The following SIDT1 variants were observed in gnomAD, a reference collection of about 807,000 sequenced individuals.
The protein encoded by SIDT1 is SID1 transmembrane family member 1.
In SIDT1, 101 loss-of-function variants were observed where a neutral mutation model predicts 107.5. The ratio of observed to expected loss-of-function variants is 0.94; its 90% CI spans 0.80 to 1.11. The LOEUF (loss-of-function observed/expected upper bound fraction) is 1.11, where lower values mean the gene tolerates loss of function less well. SIDT1 is among the 50% of genes least tolerant of loss of function. The pLI is 0.00. For missense variants in SIDT1, 1,076 were observed against 1,058.2 expected (o/e 1.02, Z -0.23); for synonymous variants, 395 against 398.2 (o/e 0.99, Z 0.10).
intron 23 of SIDT1, chr3:113,625,775 A>G (rs1946810494): frequency 4.5e-6 from 1 of 224,576 alleles, no homozygotes; most frequent in South Asian, 9.7e-5. Flanking sequence ...TCAGCTCCTT[A>G]TATATTCTGG....
downstream of SIDT1, among the ~76,000 whole-genome samples, chr3:113,630,883 C>G (rs765082103): frequency 3.3e-5 from 5 of 152,172 alleles, no homozygotes; most frequent in Non-Finnish European, 4.4e-5. Context: ...TCTGGGATCT[C>G]TCTCCTCCAG....
chr3:113,535,402 A>C (rs6776729), intron 1 of SIDT1, among the ~76,000 whole-genome samples: 1 of 152,154 alleles, frequency 6.6e-6, no homozygotes. Flanking sequence ...TACTGTTTTC[A>C]ATTCAATAGT....
At chr3:113,635,873 CA>C in the SIDT1 span, among the ~76,000 whole-genome samples, 1,310 of 95,580 alleles carry the variant, frequency 0.014, 13 homozygotes, top group South Asian at 0.031. Context: ...GACTCTGTCT[CA>C]AAAAAAAAAA....
intron 21 of SIDT1, 177 bp downstream of exon 21, chr3:113,619,903 C>T (rs1419761066): frequency 1.0e-5 from 6 of 599,482 alleles, no homozygotes; most frequent in East Asian, 8.4e-5. Flanking sequence ...ATTGTAGCCT[C>T]TCTTAAAACA....
Position 113,606,827 on chromosome 3 carries a change from T to C in SIDT1, c.1405-214T>C, listed in dbSNP as rs190432275. On this transcript the variant is annotated intron_variant, in intron 14 of 24. Transcript: ENST00000264852. Reference sequence around the variant, plus strand: ...GCTGCATAAGAGGGTACACAGAATATTCCCATTCAAAGCAAGATGGTAACT... The same window carrying C: ...GCTGCATAAGAGGGTACACAGAATACTCCCATTCAAAGCAAGATGGTAACT... The C allele has an allele frequency of 1.2e-4, 57 of 485,528 alleles. No individual in the cohort carries two copies. The Admixed American group carries it at 1.6e-3, about 13-fold the overall frequency. The allele number at this position is 485,528 out of a possible 1,614,324, so 30.1% of individuals were successfully genotyped here.
rs369965270 is a variant in SIDT1 at position 113,533,196 on chromosome 3, A to G, written c.175A>G (p.Ser59Gly). ...TGTCTACAGCGGGGTGGTGAACCTCAGCACCGAGAACATCTACTCTTTCAA... is the reference window on the plus strand; with the variant it reads ...TGTCTACAGCGGGGTGGTGAACCTCGGCACCGAGAACATCTACTCTTTCAA... The part of the protein sequence containing the change: ...DHVYSGVVNL[S>G]TENIYSFNYT... The change falls in exon 1 of 25, where the codon AGC (serine) becomes GGC (glycine). Residue 59 changes from serine to glycine, a missense_variant. Coordinates refer to ENST00000264852, the MANE Select transcript of SIDT1 (RefSeq NM_017699.3). The G allele has an allele frequency of 4.4e-5, 69 of 1,556,856 alleles. No homozygotes were observed. Among genetic ancestry groups the G allele is most frequent in the Non-Finnish European group, 5.6e-5 (64 of 1,152,742 alleles).
chr3:113,603,948 T>C lies in SIDT1; in HGVS notation c.1264-12T>C. ...GTACAGTTTTGCATTCTCTTTTTAT[T>C]TGGCATTCCAGATGTTCCTTTACCT... is the stretch of plus-strand genomic sequence containing the variant. On this transcript the variant is annotated splice_polypyrimidine_tract_variant and intron_variant, in intron 12 of 24. Coordinates refer to ENST00000264852, the MANE Select transcript of SIDT1 (RefSeq NM_017699.3). 1.9e-6 allele frequency: 3 copies of C among 1,606,784 alleles called. No individual in the cohort carries two copies. The highest frequency in any genetic ancestry group is 1.1e-5 in the South Asian group (1 of 90,230).
In SIDT1 at chr3:113,567,705, G is replaced by A; in HGVS notation, c.510G>A (p.Gln170=). 2 of 1,613,494 alleles carry A rather than the reference G, an allele frequency of 1.2e-6. No homozygotes were observed. Among genetic ancestry groups the A allele is most frequent in the Non-Finnish European group, 8.5e-7 (1 of 1,179,732 alleles). The change falls in exon 3 of 25, where the codon CAG becomes CAA. Residue 170 remains glutamine, a synonymous_variant. Coordinates refer to ENST00000264852, the MANE Select transcript of SIDT1 (RefSeq NM_017699.3). ...KLLVTKLKHF[Q]LRTNVAFHFT... is the part of the protein sequence containing the mutation. The stretch of plus-strand genomic sequence containing the variant: ...TAGTTACCAAGCTGAAGCACTTCCA[G>A]CTCCGGTAAGCGGGACTTTCTCTGT...
intron 1 of SIDT1, among the ~76,000 whole-genome samples, chr3:113,554,227 G>A (rs79477527): frequency 0.013 from 1,936 of 152,226 alleles, 43 homozygotes; most frequent in African/African-American, 0.044. Flanking sequence ...AAGTATGTTC[G>A]ATGGAACAAC....
chr3:113,546,926 T>C (rs149784730), intron 1 of SIDT1, among the ~76,000 whole-genome samples: 109 of 152,302 alleles, frequency 7.2e-4, no homozygotes, highest in East Asian at 5.4e-3. Context: ...CACACCAAGA[T>C]GGTGCACTAA....
chr3:113,609,491 G>A (rs1945588610), intron 17 of SIDT1, among the ~76,000 whole-genome samples: 3 of 152,220 alleles, frequency 2.0e-5, no homozygotes, highest in South Asian at 2.1e-4. Context: ...GCCAAAGGTG[G>A]GATTAGCTTT....
At chr3:113,560,515 G>A (rs914114079) in intron 1 of SIDT1, among the ~76,000 whole-genome samples, 13 of 152,190 alleles carry the variant, frequency 8.5e-5, no homozygotes, top group Admixed American at 7.2e-4. Flanking sequence ...AAAGATGGGA[G>A]GGAGGGAGCG....
At position 113,607,115 on chromosome 3, in the gene SIDT1, G is replaced by A; in HGVS notation, c.1478+1G>A. On this transcript the variant is annotated splice_donor_variant, in intron 15 of 24. Coordinates refer to ENST00000264852, the MANE Select transcript of SIDT1 (RefSeq NM_017699.3). LOFTEE classifies it high-confidence loss of function. ...GTGCTCACCCCTTGGGCGTCCTGAG[G>A]TAAACCCAGTCCTCTGGTTGCCCAT... 1 of 1,582,142 alleles carries A rather than the reference G, an allele frequency of 6.3e-7. No homozygotes were observed. The highest frequency in any genetic ancestry group is 8.6e-7 in the Non-Finnish European group (1 of 1,157,368).
intron 1 of SIDT1, among the ~76,000 whole-genome samples, chr3:113,533,595 C>T (rs1002407733): frequency 4.6e-5 from 7 of 152,290 alleles, no homozygotes; most frequent in African/African-American, 1.4e-4. Flanking sequence ...GAAGAAGAAC[C>T]GCACCTCGGT....
rs561369282 is a variant in SIDT1 at position 113,543,652 on chromosome 3, A to C, written c.222+10409A>C. Among the ~76,000 whole-genome samples the C allele has an allele frequency of 6.3e-4, 96 of 152,240 alleles. 1 individual carries two copies. Among genetic ancestry groups the C allele is most frequent in the African/African-American group, 2.1e-3 (87 of 41,568 alleles). The stretch of plus-strand genomic sequence containing the variant: ...TCACAGGGGATATTCAGAAAGATTA[A>C]AAAATCTATGCTGCTATTGACACTA... On this transcript the variant is annotated intron_variant, in intron 1 of 24. Transcript: ENST00000264852.
At chr3:113,568,965 T>C (rs1176094521) in intron 3 of SIDT1, among the ~76,000 whole-genome samples, 1 of 151,230 alleles carries the variant, frequency 6.6e-6, no homozygotes, top group East Asian at 1.9e-4. Flanking sequence ...GAAACCCCTC[T>C]GTGCTAGAAA....
chr3:113,599,641 C>A (rs928322491), intron 10 of SIDT1, among the ~76,000 whole-genome samples: 4 of 152,142 alleles, frequency 2.6e-5, no homozygotes, highest in African/African-American at 9.7e-5. Context: ...ACACAGAAAG[C>A]AAAGTACTGC....
intron 24 of SIDT1, among the ~76,000 whole-genome samples, 185 bp from the exon 25 acceptor site, chr3:113,627,461 T>A (rs1946931826): frequency 1.3e-5 from 2 of 152,218 alleles, no homozygotes; most frequent in African/African-American, 2.4e-5. Context: ...AATATTTAAT[T>A]GACAAATGAA....
intron 6 of SIDT1, 89 bp from the exon 7 acceptor site, chr3:113,583,320 T>C (rs1274221327): frequency 1.1e-6 from 1 of 916,210 alleles, no homozygotes; most frequent in Non-Finnish European, 1.7e-6. Flanking sequence ...TCCTTCTCTT[T>C]CCTCTTTCTT....
Sources: allele counts gnomAD v4.1 joint callset (sites outside exome capture counted in the v4.1 genomes callset), GRCh38; gene constraint gnomAD v4.1.1; transcripts MANE v1.5; gene names NCBI Gene and HGNC (gene_info 2026-07-23, HGNC 2026-07-21).